The following CTXND1 variants were observed in gnomAD, a reference collection of about 807,000 sequenced individuals.
CTXND1 encodes cortexin domain containing 1, also known as cortexin domain-containing 1 protein.
chr15:80,216,130 C>T (rs543419304), intron 1 of CTXND1, among the ~76,000 whole-genome samples: 65 of 152,288 alleles, frequency 4.3e-4, no homozygotes, highest in African/African-American at 1.5e-3. Flanking sequence ...TTGTCTTTAT[C>T]TCATCTTTCA....
At chr15:80,223,413 T>C (rs1442730777) in intron 1 of CTXND1, among the ~76,000 whole-genome samples, 1 of 152,230 alleles carries the variant, frequency 6.6e-6, no homozygotes, top group Non-Finnish European at 1.5e-5. Context: ...CTGTGAAGTA[T>C]TCCATTGTAT....
At chr15:80,241,726 G>A (rs1438720569) in intron 1 of CTXND1, among the ~76,000 whole-genome samples, 4 of 152,060 alleles carry the variant, frequency 2.6e-5, no homozygotes, top group Non-Finnish European at 4.4e-5. Context: ...AGGTGCCCAC[G>A]GAAGTCAGGC....
chr15:80,232,441 C>T (rs1431955227), intron 1 of CTXND1, among the ~76,000 whole-genome samples: 2 of 152,180 alleles, frequency 1.3e-5, no homozygotes, highest in African/African-American at 4.8e-5. Context: ...TTTTAGTTTA[C>T]TTAACACTAA....
At chr15:80,215,389 A>T (rs1371143493) in intron 1 of CTXND1, among the ~76,000 whole-genome samples, 1 of 152,204 alleles carries the variant, frequency 6.6e-6, no homozygotes, top group East Asian at 1.9e-4. Flanking sequence ...TGTGTTTATG[A>T]TGAAAGAAGT....
intron 2 of CTXND1, among the ~76,000 whole-genome samples, 161 bp from the exon 3 acceptor site, chr15:80,202,175 G>A (rs2041453519): frequency 6.9e-6 from 1 of 144,758 alleles, no homozygotes; most frequent in Non-Finnish European, 1.5e-5. Context: ...GGTACACATG[G>A]ACCCACATGG....
intron 1 of CTXND1, among the ~76,000 whole-genome samples, chr15:80,217,521 CTTA>C (rs1893266013): frequency 7.0e-6 from 1 of 143,682 alleles, no homozygotes; most frequent in African/African-American, 2.6e-5. Context: ...CAATAGCTTG[CTTA>C]TTTATTTATT....
Position 80,238,426 on chromosome 15 carries a change from ATTC to A in CTXND1, c.-218+13578_-218+13580del, listed in dbSNP as rs549705454. Among the ~76,000 whole-genome samples the A allele has an allele frequency of 2.5e-3, 375 of 151,244 alleles. 3 individuals carry two copies. The highest frequency in any genetic ancestry group is 8.9e-3 in the African/African-American group (368 of 41,198). On this transcript the variant is annotated intron_variant, in intron 1 of 2. Transcript: ENST00000560778. ...TCAATAATTTAAACATGTAGAAACC[ATTC>A]TTCTTTCATGGGCTGTACAATAAGA...
rs191735553 is a variant in CTXND1 at position 80,247,575 on chromosome 15, C to T, written c.-218+4432G>A. On this transcript the variant is annotated intron_variant, in intron 1 of 2. Coordinates refer to ENST00000560778, the MANE Select transcript of CTXND1 (RefSeq NM_001352888.2). ...TGACCCTTGGAACACTCAAATCCAC[C>T]CTCCTCACACTAACATAGAAACCCA... is the stretch of plus-strand genomic sequence containing the variant. Among the ~76,000 whole-genome samples, 6 of 152,058 alleles carry T rather than the reference C, an allele frequency of 3.9e-5. No individual in the cohort carries two copies. In the South Asian group the frequency reaches 1.3e-3, roughly 32 times the overall value.
intron 1 of CTXND1, among the ~76,000 whole-genome samples, chr15:80,215,520 T>C (rs1223082387): frequency 6.6e-6 from 1 of 152,200 alleles, no homozygotes; most frequent in African/African-American, 2.4e-5. Flanking sequence ...GGAAGTCTAT[T>C]CCAGTCCCTG....
intron 1 of CTXND1, among the ~76,000 whole-genome samples, chr15:80,236,939 A>G (rs927092983): frequency 4.6e-5 from 7 of 152,204 alleles, no homozygotes; most frequent in Admixed American, 2.6e-4. Flanking sequence ...ATATAAAAGC[A>G]TCACACTTAC....
chr15:80,228,423 A>G (rs570116191), intron 1 of CTXND1, among the ~76,000 whole-genome samples: 2 of 152,256 alleles, frequency 1.3e-5, no homozygotes, highest in South Asian at 4.1e-4. Context: ...GCCTTACAAA[A>G]TGTATTTCTT....
At chr15:80,250,221 C>T (rs920503073) in intron 1 of CTXND1, among the ~76,000 whole-genome samples, 1 of 152,148 alleles carries the variant, frequency 6.6e-6, no homozygotes, top group African/African-American at 2.4e-5. Context: ...GCAGTATATT[C>T]AGAATGGCTG....
intron 1 of CTXND1, among the ~76,000 whole-genome samples, chr15:80,215,531 C>T (rs553814017): frequency 3.2e-4 from 48 of 152,140 alleles, no homozygotes; most frequent in Non-Finnish European, 6.5e-4. Flanking sequence ...CCAGTCCCTG[C>T]CACAGTGGCT....
intron 1 of CTXND1, among the ~76,000 whole-genome samples, chr15:80,223,817 AAAAAAAAAATACCCAAAAC>A (rs1247747987): frequency 6.6e-6 from 1 of 151,586 alleles, no homozygotes; most frequent in East Asian, 1.9e-4. Context: ...TTGGCCAAAA[AAAAAAAAAATACCCAAAAC>A]AAAAAAGCAA....
At chr15:80,206,538 T>G (rs1010541477) in intron 1 of CTXND1, among the ~76,000 whole-genome samples, 2 of 152,192 alleles carry the variant, frequency 1.3e-5, no homozygotes, top group African/African-American at 4.8e-5. Context: ...TTTTAGTTTA[T>G]TACTGTTTTT....
chr15:80,224,123 G>T (rs1421694503), intron 1 of CTXND1, among the ~76,000 whole-genome samples: 2 of 152,202 alleles, frequency 1.3e-5, no homozygotes, highest in East Asian at 3.8e-4. Flanking sequence ...AAAGAGGAAA[G>T]AGGGATGCCT....
At chr15:80,233,139 C>A (rs532872012) in intron 1 of CTXND1, among the ~76,000 whole-genome samples, 3 of 152,136 alleles carry the variant, frequency 2.0e-5, no homozygotes, top group African/African-American at 7.2e-5. Context: ...ACGGGTTTCA[C>A]CCTCTTGGCC....
intron 1 of CTXND1, among the ~76,000 whole-genome samples, chr15:80,208,033 T>G (rs1000804600): frequency 1.3e-5 from 2 of 152,240 alleles, no homozygotes; most frequent in Non-Finnish European, 2.9e-5. Context: ...GGCCATTCAT[T>G]AATAGCCACT....
intron 1 of CTXND1, among the ~76,000 whole-genome samples, chr15:80,211,644 T>C (rs910924193): frequency 6.6e-6 from 1 of 152,138 alleles, no homozygotes; most frequent in Non-Finnish European, 1.5e-5. Flanking sequence ...GTTTAAGACT[T>C]GTTATCTTCC....
Sources: gnomAD v4.1 joint callset for allele counts (sites outside exome capture counted in the v4.1 genomes callset) on GRCh38, gnomAD v4.1.1 for gene constraint, MANE v1.5 for transcripts, NCBI Gene and HGNC (gene_info 2026-07-23, HGNC 2026-07-21) for gene names.